CLDN14: variants seen among roughly 807,000 people sequenced by gnomAD.
CLDN14 encodes claudin-14.
A neutral mutation model predicts 2.1 loss-of-function variants in CLDN14; 2 were observed. The ratio of observed to expected loss-of-function variants is 0.96; its 90% confidence interval spans 0.39 to 3.01. The LOEUF is 3.01. CLDN14 is among the 30% of genes most tolerant of loss of function. The pLI is 0.09. For missense variants in CLDN14, 298 were observed against 328.0 expected (o/e 0.91, Z 0.71); for synonymous variants, 136 against 154.4 (o/e 0.88, Z 0.88).
intron 2 of CLDN14, among the ~76,000 whole-genome samples, chr21:36,489,775 T>C (rs1379971165): frequency 1.3e-5 from 2 of 152,224 alleles, no homozygotes; most frequent in African/African-American, 4.8e-5. Flanking sequence ...CTGTTATCAC[T>C]GCCAGGCATC....
At chr21:36,521,314 G>A (rs951362062) in intron 1 of CLDN14, among the ~76,000 whole-genome samples, 1 of 152,174 alleles carries the variant, frequency 6.6e-6, no homozygotes, top group Non-Finnish European at 1.5e-5. Context: ...GTAACTTGGA[G>A]AGGAGTGGCA....
chr21:36,523,817 AAGAAAGAAAG>A (rs969503591), intron 1 of CLDN14, among the ~76,000 whole-genome samples: 1 of 143,556 alleles, frequency 7.0e-6, no homozygotes, highest in Admixed American at 6.8e-5. Context: ...GAAAGAAAGA[AAGAAAGAAAG>A]AAAGAAAGAA....
At chr21:36,504,835 C>T (rs930190687) in intron 2 of CLDN14, among the ~76,000 whole-genome samples, 5 of 152,176 alleles carry the variant, frequency 3.3e-5, no homozygotes, top group African/African-American at 1.2e-4. Flanking sequence ...GATTTGAAGA[C>T]AGCAGATCAT....
At chr21:36,555,848 TGTGAGAGA>T (rs1470162052) in intron 1 of CLDN14, among the ~76,000 whole-genome samples, 10 of 140,262 alleles carry the variant, frequency 7.1e-5, no homozygotes, top group Non-Finnish European at 1.3e-4. Flanking sequence ...TGTGTGTGTG[TGTGAGAGA>T]GAGAGAGTGT....
At chr21:36,569,436 A>C (rs2087693709) in intron 1 of CLDN14, among the ~76,000 whole-genome samples, 1 of 151,948 alleles carries the variant, frequency 6.6e-6, no homozygotes, top group South Asian at 2.1e-4. Flanking sequence ...AAAATTAAGT[A>C]AATAAAGCGA....
intron 2 of CLDN14, among the ~76,000 whole-genome samples, chr21:36,509,472 T>A (rs1370755362): frequency 6.6e-6 from 1 of 152,224 alleles, no homozygotes; most frequent in African/African-American, 2.4e-5. Flanking sequence ...ATTGAAGGAT[T>A]CCCATGGAGA....
At position 36,499,895 on chromosome 21, in the gene CLDN14, G is replaced by A. The variant is rs775272893; in HGVS notation, c.-82+10468C>T. Among the ~76,000 whole-genome samples, 3 of 152,116 alleles carry A rather than the reference G, an allele frequency of 2.0e-5. No individual in the cohort carries two copies. The highest frequency in any genetic ancestry group is 3.8e-4 in the East Asian group (2 of 5,200). On this transcript the variant is annotated intron_variant, in intron 2 of 2. Coordinates refer to the CLDN14 transcript ENST00000342108. The surrounding 1 kb of genome is among the most constrained non-coding windows in gnomAD (Gnocchi z 4.7). The stretch of plus-strand genomic sequence containing the variant: ...CATCAGGGGGCTGGTGGAGAAAATC[G>A]GGGGGTCTCCGGAGCAACCCCGGGA...
chr21:36,481,799 A>G (rs959170800), upstream of CLDN14, among the ~76,000 whole-genome samples: 3 of 152,196 alleles, frequency 2.0e-5, no homozygotes, highest in Admixed American at 2.0e-4. Flanking sequence ...TCACAGAAAC[A>G]TGATGTGACG....
intron 1 of CLDN14, among the ~76,000 whole-genome samples, chr21:36,476,060 C>T (rs1445829426): frequency 2.0e-5 from 3 of 152,178 alleles, no homozygotes; most frequent in African/African-American, 7.2e-5. Context: ...GTCTGTTCTG[C>T]TGGGCCTGCC....
In CLDN14 at chr21:36,534,851, T is replaced by C. The variant is rs183772172; in HGVS notation, c.-219-24351A>G. ...CCCTTATATTTAAATATTGAGTGGG[T>C]TGCATCTTTCCCAGCCATACCAAGA... On this transcript the variant is annotated intron_variant, in intron 1 of 2. Coordinates refer to the CLDN14 transcript ENST00000342108. 6.6e-5 allele frequency among the ~76,000 whole-genome samples: 10 copies of C among 152,174 alleles called. 1 individual carries two copies. Among genetic ancestry groups the C allele is most frequent in the Admixed American group, 6.5e-4 (10 of 15,284 alleles).
intron 1 of CLDN14, among the ~76,000 whole-genome samples, chr21:36,563,771 C>T (rs1192097578): frequency 6.6e-6 from 1 of 152,116 alleles, no homozygotes; most frequent in Non-Finnish European, 1.5e-5. Context: ...CAGGGCTCAG[C>T]AAAAAGAGGT....
At chr21:36,557,558 T>C (rs2146521762) in intron 1 of CLDN14, among the ~76,000 whole-genome samples, 1 of 152,360 alleles carries the variant, frequency 6.6e-6, no homozygotes, top group East Asian at 1.9e-4. Flanking sequence ...TCTTTTCAAA[T>C]ACCTGTTGGC....
chr21:36,501,332 C>CTTTTTTTTTTTT lies in CLDN14; in HGVS notation c.-82+9019_-82+9030dup, dbSNP rs58458004. Reference sequence around the variant, plus strand: ...AATGGGAGTTTCAGTCAATATCTCACTTTTTTTTTTTTTTTTTTTTTTTTT... The same window carrying CTTTTTTTTTTTT: ...AATGGGAGTTTCAGTCAATATCTCACTTTTTTTTTTTTTTTTTTTTTTTTTTTTTTTTTTTTT... On this transcript the variant is annotated intron_variant, in intron 2 of 2. Transcript: ENST00000342108. 3.8e-3 allele frequency among the ~76,000 whole-genome samples: 186 copies of CTTTTTTTTTTTT among 48,434 alleles called. 50 individuals carry two copies. The highest frequency in any genetic ancestry group is 5.1e-3 in the Non-Finnish European group (120 of 23,302). The allele number at this position is 48,434 out of a possible 152,430, so 31.8% of individuals were successfully genotyped here. A position where few individuals can be genotyped will look rare whatever the true frequency, so the allele number is the denominator to read the frequency against.
intron 2 of CLDN14, among the ~76,000 whole-genome samples, chr21:36,491,272 T>C (rs1418835763): frequency 6.6e-6 from 1 of 152,160 alleles, no homozygotes; most frequent in African/African-American, 2.4e-5. Flanking sequence ...GTTTGTGCCC[T>C]AAAACAAGGC....
chr21:36,550,807 AC>A (rs2087558586), intron 1 of CLDN14, among the ~76,000 whole-genome samples: 1 of 152,224 alleles, frequency 6.6e-6, no homozygotes. Context: ...CTCTGGGGGC[AC>A]CAGCCACGGT....
chr21:36,530,077 C>T (rs73374413), intron 1 of CLDN14, among the ~76,000 whole-genome samples: 1,569 of 152,232 alleles, frequency 0.01, 32 homozygotes, highest in African/African-American at 0.036. Flanking sequence ...TAAGTCTTTG[C>T]ATCGGATTTC....
chr21:36,527,602 A>G (rs1242101701), intron 1 of CLDN14, among the ~76,000 whole-genome samples: 1 of 152,214 alleles, frequency 6.6e-6, no homozygotes, highest in Non-Finnish European at 1.5e-5. Context: ...ATGTGATACG[A>G]ATCCCTCATT....
At chr21:36,471,216 C>CAAACCAAAA (rs1460964666) in intron 1 of CLDN14, among the ~76,000 whole-genome samples, 1 of 123,192 alleles carries the variant, frequency 8.1e-6, no homozygotes, top group Non-Finnish European at 1.6e-5. Flanking sequence ...AAAAAACAAA[C>CAAACCAAAA]AAACATAAAA....
At chr21:36,516,448 G>A (rs553089847) in intron 1 of CLDN14, among the ~76,000 whole-genome samples, 30 of 152,242 alleles carry the variant, frequency 2.0e-4, no homozygotes, top group South Asian at 1.2e-3. Flanking sequence ...CTTCCCTCTC[G>A]TTCTCCTCTC....
Sources: allele counts gnomAD v4.1 joint callset (sites outside exome capture counted in the v4.1 genomes callset), GRCh38; gene constraint gnomAD v4.1.1; non-coding constraint Gnocchi (gnomAD v3.1); transcripts MANE v1.5; gene names NCBI Gene and HGNC (gene_info 2026-07-23, HGNC 2026-07-21).